Variants in SBF2 observed in about 807,000 individuals in gnomAD.
The protein encoded by SBF2 is myotubularin-related protein 13.
SBF2 carries 112 observed loss-of-function variants against 225.2 expected under a neutral mutation model. The observed-to-expected ratio is 0.50, with a 90% CI of 0.43 to 0.58. The LOEUF is 0.58. SBF2 is among the 20% of genes least tolerant of loss of function. The pLI is 0.00. For synonymous variants in SBF2, 763 were observed against 773.3 expected, an observed-to-expected ratio of 0.99 and a Z score of 0.22; for missense variants, 1,996 against 2,206.2, an observed-to-expected ratio of 0.90 and a Z score of 1.91.
intron 21 of SBF2, among the ~76,000 whole-genome samples, chr11:9,850,609 T>G (rs1474535383): frequency 6.6e-6 from 1 of 152,170 alleles, no homozygotes; most frequent in Non-Finnish European, 1.5e-5. Context: ...ATGGTTATCT[T>G]TTCAGTTACA....
chr11:10,137,881 G>A (rs1362761285), intron 2 of SBF2, among the ~76,000 whole-genome samples: 6 of 151,966 alleles, frequency 3.9e-5, no homozygotes, highest in Middle Eastern at 6.3e-3. Context: ...GTTGGCGGAC[G>A]CCTGTAATCT....
chr11:10,021,173 C>T (rs936444377), intron 6 of SBF2, among the ~76,000 whole-genome samples: 1 of 152,150 alleles, frequency 6.6e-6, no homozygotes, highest in African/African-American at 2.4e-5. Flanking sequence ...CTGTTGGATA[C>T]ATTTTCTAAA....
intron 2 of SBF2, among the ~76,000 whole-genome samples, chr11:10,073,051 C>T (rs1220309914): frequency 6.6e-6 from 1 of 152,042 alleles, no homozygotes; most frequent in Admixed American, 6.6e-5. Flanking sequence ...AGTCATCGCA[C>T]CCAGTGGTTA....
intron 2 of SBF2, among the ~76,000 whole-genome samples, chr11:10,068,738 C>A (rs1309434196): frequency 1.3e-5 from 2 of 151,994 alleles, no homozygotes; most frequent in Admixed American, 6.6e-5. Context: ...CCCCCGTCAC[C>A]CCTTTCAAAA....
chr11:10,107,670 T>C (rs2134996183), intron 2 of SBF2, among the ~76,000 whole-genome samples: 1 of 152,316 alleles, frequency 6.6e-6, no homozygotes, highest in South Asian at 2.1e-4. Flanking sequence ...GGCATTCCTT[T>C]CCTTCTAAAT....
intron 2 of SBF2, among the ~76,000 whole-genome samples, chr11:10,092,916 A>G (rs1951841671): frequency 6.6e-6 from 1 of 152,090 alleles, no homozygotes; most frequent in Non-Finnish European, 1.5e-5. Flanking sequence ...TCCACAGTTT[A>G]CCTCAATTTA....
At chr11:9,985,644 G>A (rs57180563) in intron 13 of SBF2, among the ~76,000 whole-genome samples, 40,424 of 151,982 alleles carry the variant, frequency 0.27, 5,460 homozygotes, top group Middle Eastern at 0.33. Context: ...CTTATATCAG[G>A]CAAAACAAAC....
At chr11:10,213,090 G>A (rs1175404551) in intron 1 of SBF2, among the ~76,000 whole-genome samples, 2 of 151,970 alleles carry the variant, frequency 1.3e-5, no homozygotes, top group African/African-American at 4.8e-5. Flanking sequence ...GCCATTCCAG[G>A]ATTCCACTAA....
chr11:9,900,516 C>G (rs1299443122), intron 16 of SBF2, among the ~76,000 whole-genome samples: 1 of 152,134 alleles, frequency 6.6e-6, no homozygotes, highest in Non-Finnish European at 1.5e-5. Context: ...CGGTCTAACC[C>G]TAGCCAATAG....
chr11:10,276,738 A>C (rs1160476521), intron 1 of SBF2, among the ~76,000 whole-genome samples: 2 of 152,198 alleles, frequency 1.3e-5, no homozygotes, highest in African/African-American at 2.4e-5. Flanking sequence ...GAACACACTC[A>C]ATTTTTTTAA....
At position 9,790,920 on chromosome 11, in the gene SBF2, A is replaced by ATCAATCAT. The variant is rs1852702004; in HGVS notation, c.4571-238_4571-237insATGATTGA. ...TCTGATAAAGTTTGCCTAAGCAGCCAGCAGTCTATCAATCATGACTCTTCC... is the reference window on the plus strand; with the variant it reads ...TCTGATAAAGTTTGCCTAAGCAGCCATCAATCATGCAGTCTATCAATCATGACTCTTCC... On this transcript the variant is annotated intron_variant, in intron 33 of 39. Transcript: ENST00000256190. The ATCAATCAT allele has an allele frequency of 2.9e-5, 12 of 409,046 alleles. No homozygotes were observed. The East Asian group carries it at 6.2e-4, about 21-fold the overall frequency. 25.3% of individuals were successfully genotyped at this position (409,046 alleles called of 1,614,324 possible).
At chr11:10,284,921 G>GT (rs34656701) in intron 1 of SBF2, among the ~76,000 whole-genome samples, 67,004 of 147,784 alleles carry the variant, frequency 0.45, 15,729 homozygotes, top group Non-Finnish European at 0.54. Flanking sequence ...GCTGACAAGA[G>GT]TTTTTTTTTT....
At chr11:10,229,805 G>A (rs1591266609) in intron 1 of SBF2, among the ~76,000 whole-genome samples, 3 of 152,130 alleles carry the variant, frequency 2.0e-5, no homozygotes, top group Non-Finnish European at 4.4e-5. Context: ...TTGGGGTGGA[G>A]AGTTCTGTAG....
chr11:10,241,180 A>C (rs1959208055), intron 1 of SBF2, among the ~76,000 whole-genome samples: 1 of 152,090 alleles, frequency 6.6e-6, no homozygotes, highest in South Asian at 2.1e-4. Context: ...GTGAAACTCC[A>C]TCTCTACTAA....
chr11:9,785,979 G>A (rs1463293548), intron 36 of SBF2, among the ~76,000 whole-genome samples: 2 of 151,998 alleles, frequency 1.3e-5, no homozygotes, highest in South Asian at 2.1e-4. Context: ...TGATTCTCCT[G>A]ACTCAGCCTC....
At chr11:10,178,884 C>G (rs2135278114) in intron 2 of SBF2, among the ~76,000 whole-genome samples, 1 of 148,748 alleles carries the variant, frequency 6.7e-6, no homozygotes, top group Admixed American at 6.8e-5. Flanking sequence ...GCTATAAAGA[C>G]ACATGCACAC....
In SBF2 at chr11:9,839,481, C is replaced by G. The variant is rs1590193529; in HGVS notation, c.3455+17G>C. The G allele has an allele frequency of 1.2e-6, 2 of 1,611,848 alleles. No homozygotes were observed. The highest frequency in any genetic ancestry group is 2.7e-5 in the African/African-American group (2 of 74,978). ...AAGGAAGGAAGACCTCTTTTTGGAG[C>G]CCACTGACACACTTACCTCCGGCAG... On this transcript the variant is annotated intron_variant, in intron 26 of 39. Coordinates refer to ENST00000256190, the MANE Select transcript of SBF2 (RefSeq NM_030962.4).
At chr11:9,878,864 T>C (rs1163596315) in intron 17 of SBF2, among the ~76,000 whole-genome samples, 1 of 152,222 alleles carries the variant, frequency 6.6e-6, no homozygotes, top group Non-Finnish European at 1.5e-5. Flanking sequence ...AACATGCCTA[T>C]GACCGAGGGT....
At chr11:10,296,825 A>T (rs1176087010), upstream of SBF2, among the ~76,000 whole-genome samples, 1 of 152,170 alleles carries the variant, frequency 6.6e-6, no homozygotes, top group Non-Finnish European at 1.5e-5. Context: ...TTCACCAGCA[A>T]TGCACTAGGG....
Sources: gnomAD v4.1 joint callset for allele counts (sites outside exome capture counted in the v4.1 genomes callset) on GRCh38, gnomAD v4.1.1 for gene constraint, MANE v1.5 for transcripts, NCBI Gene and HGNC (gene_info 2026-07-23, HGNC 2026-07-21) for gene names.